Variants in ANTXR1 observed in about 807,000 individuals in gnomAD.
ANTXR1 encodes the protein ANTXR cell adhesion molecule 1, also known as anthrax toxin receptor 1.
ANTXR1 carries 19 observed loss-of-function variants against 78.1 expected under a neutral mutation model. The observed-to-expected ratio is 0.24, with a 90% CI of 0.17 to 0.36. The LOEUF is 0.36. Ranked by LOEUF, ANTXR1 falls within the 10% of genes least tolerant of loss-of-function variation. The probability of loss-of-function intolerance (pLI) is 1.00; values close to 1 mark genes in which losing one functional copy is unlikely to be tolerated. For missense variants in ANTXR1, 518 were observed against 718.6 expected (o/e 0.72, Z 3.19); for synonymous variants, 273 against 260.5 (o/e 1.05, Z -0.46).
At chr2:69,233,924 CTT>C (rs1675687555) in intron 17 of ANTXR1, among the ~76,000 whole-genome samples, 1 of 151,596 alleles carries the variant, frequency 6.6e-6, no homozygotes, top group African/African-American at 2.4e-5. Context: ...AGAAAAGAAA[CTT>C]TACAATAGCA....
chr2:69,230,764 C>G (rs1675575476), intron 17 of ANTXR1, among the ~76,000 whole-genome samples: 1 of 152,136 alleles, frequency 6.6e-6, no homozygotes. Context: ...TTTCCCAGTC[C>G]TGAGTTCAGC....
At chr2:69,185,001 C>T (rs1258204914) in intron 16 of ANTXR1, among the ~76,000 whole-genome samples, 3 of 152,236 alleles carry the variant, frequency 2.0e-5, no homozygotes, top group Admixed American at 6.5e-5. Flanking sequence ...TCTAATTTCA[C>T]TTCCAGACTC....
chr2:69,118,313 G>T (rs1165201970), intron 10 of ANTXR1, among the ~76,000 whole-genome samples: 1 of 151,832 alleles, frequency 6.6e-6, no homozygotes, highest in Non-Finnish European at 1.5e-5. Context: ...TGACTAGGGT[G>T]GGGTGGGTGA....
chr2:69,118,974 G>T (rs536131885), intron 10 of ANTXR1, among the ~76,000 whole-genome samples: 1 of 152,106 alleles, frequency 6.6e-6, no homozygotes, highest in Non-Finnish European at 1.5e-5. Context: ...TGATACACTC[G>T]GATGGAGGAA....
At chr2:69,180,974 T>G (rs1400202928) in intron 14 of ANTXR1, among the ~76,000 whole-genome samples, 1 of 152,174 alleles carries the variant, frequency 6.6e-6, no homozygotes, top group Non-Finnish European at 1.5e-5. Flanking sequence ...GACAGGAATT[T>G]GCCCAGAGTA....
At chr2:69,193,442 G>C (rs1298969875) in intron 17 of ANTXR1, 27 bp downstream of exon 17, 5 of 1,227,898 alleles carry the variant, frequency 4.1e-6, no homozygotes, top group East Asian at 5.5e-5. Context: ...CATTAATGGT[G>C]TCTCTCTCTC....
intron 15 of ANTXR1, 92 bp downstream of exon 15, chr2:69,181,973 C>T (rs1674287309): frequency 2.5e-6 from 3 of 1,209,088 alleles, no homozygotes; most frequent in Non-Finnish European, 3.7e-6. Context: ...CTCTAGATAT[C>T]AGGCATGCCC....
chr2:69,225,191 A>G (rs183784191), intron 17 of ANTXR1, among the ~76,000 whole-genome samples: 23 of 152,342 alleles, frequency 1.5e-4, no homozygotes, highest in Admixed American at 1.5e-3. Context: ...CCTCAAAAGA[A>G]TAGATCTTTA....
At chr2:69,211,160 A>G (rs748845771) in intron 17 of ANTXR1, among the ~76,000 whole-genome samples, 1 of 152,174 alleles carries the variant, frequency 6.6e-6, no homozygotes, top group Non-Finnish European at 1.5e-5. Context: ...TATGAGATCA[A>G]AACAGGTTGC....
intron 13 of ANTXR1, among the ~76,000 whole-genome samples, chr2:69,166,340 C>G (rs1358375934): frequency 6.6e-6 from 1 of 152,152 alleles, no homozygotes; most frequent in Non-Finnish European, 1.5e-5. Context: ...AGATGCATCT[C>G]CCAACACACA....
At chr2:69,206,238 C>A (rs182252091) in intron 17 of ANTXR1, among the ~76,000 whole-genome samples, 4 of 152,328 alleles carry the variant, frequency 2.6e-5, no homozygotes, top group Admixed American at 6.5e-5. Context: ...TACTGCAACA[C>A]CTATGTTTCA....
intron 17 of ANTXR1, among the ~76,000 whole-genome samples, chr2:69,237,446 C>G (rs1675792933): frequency 1.3e-5 from 2 of 152,188 alleles, no homozygotes; most frequent in African/African-American, 4.8e-5. Flanking sequence ...GGGGAAGGAG[C>G]AAGACAGGGT....
intron 12 of ANTXR1, among the ~76,000 whole-genome samples, chr2:69,148,500 G>A (rs1254109946): frequency 1.3e-5 from 2 of 152,158 alleles, no homozygotes; most frequent in African/African-American, 2.4e-5. Flanking sequence ...GCTTCTCCAC[G>A]TGGCTGTCAG....
Position 69,013,707 on chromosome 2 carries a change from G to T in ANTXR1, c.152+56G>T. 1 of 1,550,940 alleles carries T rather than the reference G, an allele frequency of 6.4e-7. No homozygotes were observed. The highest frequency in any genetic ancestry group is 8.7e-7 in the Non-Finnish European group (1 of 1,146,644). On this transcript the variant is annotated intron_variant, in intron 1 of 17. Transcript: ENST00000303714. This position sits in a 1 kb window ranked among gnomAD's most constrained non-coding sequence, Gnocchi z 5.0. ...AGGCTAAGCGGGCGAAAACGCTTTCGCCCCGGGCCGGGCTCGTTGGCAGGG... is the reference window on the plus strand; with the variant it reads ...AGGCTAAGCGGGCGAAAACGCTTTCTCCCCGGGCCGGGCTCGTTGGCAGGG...
chr2:69,172,706 G>T (rs1461007166), intron 14 of ANTXR1: 3 of 365,124 alleles, frequency 8.2e-6, no homozygotes, highest in Non-Finnish European at 8.2e-6. Context: ...AGCTCTCAGT[G>T]ACCTTTTTAA....
At chr2:69,174,118 G>A (rs1674058850) in intron 14 of ANTXR1, among the ~76,000 whole-genome samples, 1 of 152,126 alleles carries the variant, frequency 6.6e-6, no homozygotes, top group South Asian at 2.1e-4. Flanking sequence ...TGGAGACATA[G>A]GCAATAATAG....
chr2:69,175,347 C>G (rs909179766), intron 14 of ANTXR1, among the ~76,000 whole-genome samples: 1 of 152,156 alleles, frequency 6.6e-6, no homozygotes, highest in Non-Finnish European at 1.5e-5. Flanking sequence ...TGGTGACTCA[C>G]TCCTGTAACC....
intron 1 of ANTXR1, among the ~76,000 whole-genome samples, chr2:69,021,374 G>A (rs1361304273): frequency 6.6e-6 from 1 of 152,216 alleles, no homozygotes; most frequent in Non-Finnish European, 1.5e-5. Context: ...AGGTTATGCT[G>A]TGATAACAAA....
chr2:69,194,793 C>T (rs1299250071), intron 17 of ANTXR1, among the ~76,000 whole-genome samples: 1 of 152,130 alleles, frequency 6.6e-6, no homozygotes, highest in Non-Finnish European at 1.5e-5. Flanking sequence ...GTGGAGGTTG[C>T]AGTGAGCCGA....
Sources: allele counts gnomAD v4.1 joint callset (sites outside exome capture counted in the v4.1 genomes callset), GRCh38; gene constraint gnomAD v4.1.1; non-coding constraint Gnocchi (gnomAD v3.1); transcripts MANE v1.5; gene names NCBI Gene and HGNC (gene_info 2026-07-23, HGNC 2026-07-21).